FOCAD: variants seen among roughly 807,000 people sequenced by gnomAD.
FOCAD encodes focadhesin, also known as KIAA1797.
FOCAD carries 198 observed loss-of-function variants against 225.6 expected under a neutral mutation model. That is an observed-to-expected ratio of 0.88 (90% CI 0.78 to 0.99). The LOEUF (loss-of-function observed/expected upper bound fraction) is 0.99, where lower values mean the gene tolerates loss of function less well. Among genes scored for constraint, FOCAD ranks in the 50% least tolerant of loss-of-function variants. The pLI is 0.00. For missense variants in FOCAD, 2,713 were observed against 2,123.6 expected, an observed-to-expected ratio of 1.28 and a Z score of -5.46; for synonymous variants, 897 against 755.0, an observed-to-expected ratio of 1.19 and a Z score of -3.08.
chr9:20,796,852 G>T (rs569477017), intron 11 of FOCAD, among the ~76,000 whole-genome samples: 55 of 151,710 alleles, frequency 3.6e-4, no homozygotes, highest in Admixed American at 2.4e-3. Context: ...GGCTTTTGTT[G>T]CCATTGCTTT....
chr9:20,870,014 C>G (rs1829625682), intron 18 of FOCAD, among the ~76,000 whole-genome samples: 1 of 151,782 alleles, frequency 6.6e-6, no homozygotes, highest in Non-Finnish European at 1.5e-5. Flanking sequence ...CACACCTCCC[C>G]AAAAGAAAAA....
chr9:20,810,867 C>T (rs1412247923), intron 11 of FOCAD, among the ~76,000 whole-genome samples: 1 of 151,974 alleles, frequency 6.6e-6, no homozygotes, highest in Non-Finnish European at 1.5e-5. Flanking sequence ...TGCAGTATTT[C>T]CTGTGTCTTT....
At chr9:20,685,196 A>ATTTTT (rs397959541) in intron 1 of FOCAD, among the ~76,000 whole-genome samples, 1,713 of 143,054 alleles carry the variant, frequency 0.012, 45 homozygotes, top group African/African-American at 0.042. Flanking sequence ...TGAGTTGGAA[A>ATTTTT]TTTTTTTTTT....
upstream of FOCAD, chr9:20,658,257 T>G (rs1411311380): frequency 2.5e-5 from 4 of 156,918 alleles, no homozygotes; most frequent in Admixed American, 6.5e-5. Flanking sequence ...CCCCCAGAGG[T>G]GGAGCTTACA....
intron 5 of FOCAD, among the ~76,000 whole-genome samples, chr9:20,742,456 C>G (rs1250640067): frequency 2.0e-5 from 3 of 152,184 alleles, no homozygotes; most frequent in Non-Finnish European, 4.4e-5. Flanking sequence ...TGCTTTTGCC[C>G]TACCACACTG....
rs1823602935 is a variant in FOCAD at position 20,815,279 on chromosome 9, A to G, written c.1456-4517A>G. On this transcript the variant is annotated intron_variant, in intron 11 of 43. Transcript: ENST00000338382. ...CTCCTAAGTAGCTGAGATTACAGGC[A>G]TGCACCACCATACCCAGCTAATTTT... Among the ~76,000 whole-genome samples, 3 of 148,616 alleles carry G rather than the reference A, an allele frequency of 2.0e-5. No individual in the cohort carries two copies. The South Asian group carries it at 6.4e-4, about 32-fold the overall frequency.
chr9:20,801,071 G>A (rs529035760), intron 11 of FOCAD, among the ~76,000 whole-genome samples: 145 of 152,262 alleles, frequency 9.5e-4, no homozygotes, highest in Non-Finnish European at 1.9e-3. Context: ...CTAACAGTCA[G>A]TACCCTCAAC....
chr9:20,736,502 A>G (rs570221684), intron 4 of FOCAD, among the ~76,000 whole-genome samples: 2 of 152,284 alleles, frequency 1.3e-5, no homozygotes, highest in South Asian at 4.1e-4. Context: ...AAAACAAGAA[A>G]AGCAGATTTT....
At position 20,976,447 on chromosome 9, in the gene FOCAD, T is replaced by C; in HGVS notation, c.4160T>C (p.Leu1387Pro). The change falls in exon 36 of 44, where the codon CTT becomes CCT. Residue 1387 changes from leucine to proline, a missense_variant. Transcript: ENST00000338382. ...CCTGAATCTGTGCCTCCTTCCCTTC[T>C]TAAAGTAGTGATGAAACCCATAGCA... is the stretch of plus-strand genomic sequence containing the variant. Reference protein sequence around the residue: ...KGPESVPPSLLKVVMKPIATV... With the variant: ...KGPESVPPSLPKVVMKPIATV... 1 of 1,613,236 alleles carries C rather than the reference T, an allele frequency of 6.2e-7. No individual in the cohort carries two copies.
intron 15 of FOCAD, among the ~76,000 whole-genome samples, chr9:20,835,957 C>T (rs139404316): frequency 6.6e-6 from 1 of 152,164 alleles, no homozygotes; most frequent in East Asian, 1.9e-4. Flanking sequence ...TCATTTCAGG[C>T]CATTTGTCAC....
chr9:20,847,462 A>C (rs1417322859), intron 15 of FOCAD, among the ~76,000 whole-genome samples: 1 of 143,930 alleles, frequency 6.9e-6, no homozygotes, highest in Non-Finnish European at 1.5e-5. Context: ...TGTTTAGTCC[A>C]TCTGCTCAGA....
chr9:20,813,422 A>G (rs956109620), intron 11 of FOCAD, among the ~76,000 whole-genome samples: 21 of 152,132 alleles, frequency 1.4e-4, no homozygotes, highest in African/African-American at 4.6e-4. Flanking sequence ...TTTTTTGAGG[A>G]ACCTTCATGC....
intron 8 of FOCAD, among the ~76,000 whole-genome samples, chr9:20,771,057 G>A (rs1337599536): frequency 2.0e-5 from 3 of 152,186 alleles, no homozygotes; most frequent in South Asian, 2.1e-4. Flanking sequence ...GTTTCAGGAG[G>A]TAGGGCATGA....
rs928170887 is a variant in FOCAD at position 20,836,488 on chromosome 9, G to A, written c.1920+13373G>A. On this transcript the variant is annotated intron_variant, in intron 15 of 43. Transcript: ENST00000338382. ...GAATTTGTTGGTCTTTTTGAACAGC[G>A]CTCTATGTTATTTGTAGTTGGGGCA... Among the ~76,000 whole-genome samples, 9 of 152,008 alleles carry A rather than the reference G, an allele frequency of 5.9e-5. No homozygotes were observed. In the South Asian group the frequency reaches 6.2e-4, roughly 11 times the overall value.
chr9:20,712,075 G>A (rs973932307), intron 1 of FOCAD, among the ~76,000 whole-genome samples: 2 of 152,166 alleles, frequency 1.3e-5, no homozygotes, highest in African/African-American at 4.8e-5. Flanking sequence ...ACCCTCTTAT[G>A]TTCTTTAATA....
chr9:20,796,474 CTGT>C (rs1821120689), intron 11 of FOCAD, among the ~76,000 whole-genome samples: 1 of 152,152 alleles, frequency 6.6e-6, no homozygotes, highest in East Asian at 1.9e-4. Flanking sequence ...TCTCCAGCAC[CTGT>C]TGTTTCCTGA....
intron 4 of FOCAD, among the ~76,000 whole-genome samples, chr9:20,722,450 T>C (rs1825864920): frequency 1.3e-5 from 2 of 152,372 alleles, no homozygotes; most frequent in Non-Finnish European, 2.9e-5. Context: ...CTCTTTCCTG[T>C]CCAGACACTT....
intron 2 of FOCAD, among the ~76,000 whole-genome samples, chr9:20,670,920 C>T (rs546955299): frequency 1.3e-5 from 2 of 152,244 alleles, no homozygotes; most frequent in South Asian, 4.1e-4. Flanking sequence ...CCTCTAACAA[C>T]TCTATTAACT....
At chr9:20,783,641 T>C (rs1192321749) in intron 10 of FOCAD, among the ~76,000 whole-genome samples, 2 of 151,416 alleles carry the variant, frequency 1.3e-5, no homozygotes, top group Non-Finnish European at 2.9e-5. Context: ...AGTGCAGCGG[T>C]GTGATCTTGG....
Sources: gnomAD v4.1 joint callset for allele counts (sites outside exome capture counted in the v4.1 genomes callset) on GRCh38, gnomAD v4.1.1 for gene constraint, MANE v1.5 for transcripts, NCBI Gene and HGNC (gene_info 2026-07-23, HGNC 2026-07-21) for gene names.